Variants in PRR14L observed in about 807,000 individuals in gnomAD.
PRR14L encodes proline rich 14 like.
A neutral mutation model predicts 155.0 loss-of-function variants in PRR14L; 80 were observed. The observed-to-expected ratio is 0.52, with a 90% CI of 0.43 to 0.62. PRR14L has a LOEUF of 0.62. Among genes scored for constraint, PRR14L ranks in the 20% least tolerant of loss-of-function variants. PRR14L has a pLI of 0.00. For missense variants in PRR14L, 2,469 were observed against 2,548.0 expected, an observed-to-expected ratio of 0.97 and a Z score of 0.67; for synonymous variants, 883 against 916.0, an observed-to-expected ratio of 0.96 and a Z score of 0.65.
Position 31,714,669 on chromosome 22 carries a change from T to C in PRR14L, c.3170A>G (p.Tyr1057Cys). 8 of 1,552,340 alleles carry C rather than the reference T, an allele frequency of 5.2e-6. No individual in the cohort carries two copies. Among genetic ancestry groups the C allele is most frequent in the Non-Finnish European group, 7.0e-6 (8 of 1,147,136 alleles). The stretch of plus-strand genomic sequence containing the variant: ...TGCAAGCTTATTACTACAGTCCGTG[T>C]AGACGATGTCTACCATACCTTCTGT... ...ESTEGMVDIV[Y>C]TDCSNKLAEG... The change falls in exon 4 of 9, where the codon TAC becomes TGC. Residue 1057 changes from tyrosine to cysteine, a missense_variant. Transcript: ENST00000327423.
At chr22:31,741,671 A>C (rs2074813820) in intron 1 of PRR14L, among the ~76,000 whole-genome samples, 1 of 152,160 alleles carries the variant, frequency 6.6e-6, no homozygotes, top group African/African-American at 2.4e-5. Flanking sequence ...CAGGAGTTAG[A>C]GACCAACCTG....
At position 31,738,881 on chromosome 22, in the gene PRR14L, G is replaced by A. The variant is rs1207135633; in HGVS notation, c.-21C>T. 6.2e-6 allele frequency: 9 copies of A among 1,456,604 alleles called. No individual in the cohort carries two copies. The highest frequency in any genetic ancestry group is 2.4e-4 in the Middle Eastern group (1 of 4,252). The allele number at this position is 1,456,604 out of a possible 1,614,324, so 90.2% of individuals were successfully genotyped here. The stretch of plus-strand genomic sequence containing the variant: ...AGCATTAGGACAGATGCAGATTATG[G>A]AGTCAAGTCTTTTACATCAAATGAT... On this transcript the variant is annotated 5_prime_UTR_variant, in exon 2 of 9. Transcript: ENST00000327423.
intron 3 of PRR14L, among the ~76,000 whole-genome samples, chr22:31,721,223 C>T (rs1464512112): frequency 4.6e-5 from 7 of 152,322 alleles, no homozygotes; most frequent in African/African-American, 1.7e-4. Flanking sequence ...CCACTGCTCC[C>T]CCAGGTCCAC....
chr22:31,701,765 A>G lies in PRR14L; in HGVS notation c.6001-3T>C, dbSNP rs777866293. 2 of 1,603,638 alleles carry G rather than the reference A, an allele frequency of 1.2e-6. No individual in the cohort carries two copies. Among genetic ancestry groups the G allele is most frequent in the Non-Finnish European group, 1.7e-6 (2 of 1,172,768 alleles). On this transcript the variant is annotated splice_polypyrimidine_tract_variant and splice_region_variant and intron_variant, in intron 6 of 8. Coordinates refer to ENST00000327423, the MANE Select transcript of PRR14L (RefSeq NM_173566.3). ...TTTGGCCTCTTCTCTGGCTCAGCCTATTTTTAAGGATTAAGAAGAAAGATG... is the reference window on the plus strand; with the variant it reads ...TTTGGCCTCTTCTCTGGCTCAGCCTGTTTTTAAGGATTAAGAAGAAAGATG...
chr22:31,725,449 C>T (rs773210297), intron 3 of PRR14L, 89 bp downstream of exon 3: 7 of 846,176 alleles, frequency 8.3e-6, no homozygotes, highest in Admixed American at 4.2e-5. Flanking sequence ...GGACTTACAA[C>T]CCTTATATTC....
intron 3 of PRR14L, among the ~76,000 whole-genome samples, chr22:31,718,079 C>A (rs1218629726): frequency 6.6e-6 from 1 of 151,948 alleles, no homozygotes; most frequent in Non-Finnish European, 1.5e-5. Context: ...AGGCACCCGC[C>A]ACCATGCCCG....
intron 1 of PRR14L, 110 bp from the exon 2 acceptor site, chr22:31,739,021 C>T (rs2074798214): frequency 1.8e-6 from 1 of 551,160 alleles, no homozygotes; most frequent in Non-Finnish European, 3.2e-6. Context: ...ACTTTAAATG[C>T]CAGCATTATC....
chr22:31,702,227 T>C (rs1466224309), intron 6 of PRR14L, among the ~76,000 whole-genome samples: 2 of 150,648 alleles, frequency 1.3e-5, no homozygotes, highest in Non-Finnish European at 2.9e-5. Flanking sequence ...TTTTTTATTA[T>C]TTATTTATTT....
chr22:31,742,280 C>T (rs1367474471), intron 1 of PRR14L, among the ~76,000 whole-genome samples: 1 of 152,006 alleles, frequency 6.6e-6, no homozygotes, highest in African/African-American at 2.4e-5. Flanking sequence ...AAACTTAATC[C>T]TTGACTACTC....
At chr22:31,704,553 C>A in intron 5 of PRR14L, 102 bp downstream of exon 5, 1 of 844,150 alleles carries the variant, frequency 1.2e-6, no homozygotes, top group Non-Finnish European at 1.9e-6. Context: ...GACAAGAGGT[C>A]AAAGTCATGC....
At chr22:31,691,872 CT>C (rs781640481) in intron 7 of PRR14L, among the ~76,000 whole-genome samples, 324 of 143,798 alleles carry the variant, frequency 2.3e-3, no homozygotes, top group Non-Finnish European at 2.1e-3. Flanking sequence ...TTTTCAATTC[CT>C]TTTTTTTTTT....
rs1231586608 is a variant in PRR14L, at chr22:31,716,043, G to A, written c.1796C>T (p.Pro599Leu). 3.2e-6 allele frequency: 5 copies of A among 1,550,584 alleles called. No individual in the cohort carries two copies. Among genetic ancestry groups the A allele is most frequent in the Non-Finnish European group, 4.4e-6 (5 of 1,146,890 alleles). ...AGGTCTGTAATCAAATTCTGGGGAT[G>A]GTAGCAACAGAGCAGTACCTTGCTT... The part of the protein sequence containing the change: ...KPKQGTALLL[P>L]SPEFDYRPES... Residue 599 changes from proline to leucine, a missense_variant, in exon 4 of 9, where the codon CCA (proline) becomes CTA (leucine). This residue lies in a region of PRR14L where 2,363 missense variants were observed against 2,371.6 expected (regional missense o/e 1.00). Transcript: ENST00000327423.
chr22:31,730,828 T>C (rs2074745250), intron 2 of PRR14L, among the ~76,000 whole-genome samples: 1 of 152,216 alleles, frequency 6.6e-6, no homozygotes, highest in Non-Finnish European at 1.5e-5. Context: ...CTGTAAGACC[T>C]TTCTTTTCTC....
intron 4 of PRR14L, among the ~76,000 whole-genome samples, chr22:31,707,992 A>G (rs769925188): frequency 2.0e-5 from 3 of 151,978 alleles, no homozygotes; most frequent in African/African-American, 7.2e-5. Context: ...TCTACTAAAA[A>G]TACAAAATTA....
intron 4 of PRR14L, among the ~76,000 whole-genome samples, chr22:31,710,795 TTC>T (rs2074616710): frequency 6.6e-6 from 1 of 152,134 alleles, no homozygotes; most frequent in Admixed American, 6.6e-5. Flanking sequence ...AACTCTCAAA[TTC>T]TTTTTCTTCT....
In PRR14L at chr22:31,741,638, C is replaced by A. The variant is rs552857779; in HGVS notation, c.-51-2727G>T. Among the ~76,000 whole-genome samples, 5 of 152,214 alleles carry A rather than the reference C, an allele frequency of 3.3e-5. No homozygotes were observed. The South Asian group carries it at 1.0e-3, about 32-fold the overall frequency. Reference sequence around the variant, plus strand: ...TATAATCCCAGCACTTTGGGAGGCCCAGGCAGGCAGATCACCTGAGGTCAG... The same window carrying A: ...TATAATCCCAGCACTTTGGGAGGCCAAGGCAGGCAGATCACCTGAGGTCAG... On this transcript the variant is annotated intron_variant, in intron 1 of 8. Coordinates refer to ENST00000327423, the MANE Select transcript of PRR14L (RefSeq NM_173566.3).
chr22:31,711,618 C>A (rs9621320), intron 4 of PRR14L, among the ~76,000 whole-genome samples: 1,963 of 151,256 alleles, frequency 0.013, 53 homozygotes, highest in African/African-American at 0.045. Context: ...CCCGTCTCTA[C>A]TAAAAAATAC....
In PRR14L at chr22:31,712,069, G is replaced by C; in HGVS notation, c.5756+14C>G. 6.3e-7 allele frequency: 1 copy of C among 1,594,854 alleles called. No homozygotes were observed. Reference sequence around the variant, plus strand: ...AATATGGGACATTTGTAAAGAACAGGGGACAGATTTTACCTGCTTGTGGTG... The same window carrying C: ...AATATGGGACATTTGTAAAGAACAGCGGACAGATTTTACCTGCTTGTGGTG... On this transcript the variant is annotated intron_variant, in intron 4 of 8. Coordinates refer to ENST00000327423, the MANE Select transcript of PRR14L (RefSeq NM_173566.3).
chr22:31,713,905 A>G lies in PRR14L; in HGVS notation c.3934T>C (p.Cys1312Arg), dbSNP rs2074638448. 3.2e-6 allele frequency: 5 copies of G among 1,551,914 alleles called. No individual in the cohort carries two copies. The highest frequency in any genetic ancestry group is 2.7e-5 in the African/African-American group (2 of 73,160). ...TCAGAGGAATTCTCGTGAGGGTGAC[A>G]AGCTTTGCAAGCATTCTTTTCCACA... ...TCVEKNACKA[C>R]HPHENSSDRH... Residue 1312 changes from cysteine to arginine, a missense_variant, in exon 4 of 9, where the codon TGT (cysteine) becomes CGT (arginine). Cys to Arg is a radical substitution (Grantham distance 180). Coordinates refer to ENST00000327423, the MANE Select transcript of PRR14L (RefSeq NM_173566.3).
Sources: gnomAD v4.1 joint callset for allele counts (sites outside exome capture counted in the v4.1 genomes callset) on GRCh38, gnomAD v4.1.1 for gene constraint, gnomAD v4.1.1 regional missense constraint, MANE v1.5 for transcripts, NCBI Gene and HGNC (gene_info 2026-07-23, HGNC 2026-07-21) for gene names.